Variants in SRGN observed in about 807,000 individuals in gnomAD.
SRGN encodes the protein serglycin.
Under a neutral mutation model 9.5 loss-of-function variants are expected in SRGN, and 2 were observed. That is an observed-to-expected ratio of 0.21 (90% confidence interval 0.09 to 0.66). The LOEUF (loss-of-function observed/expected upper bound fraction) is 0.66. SRGN is among the 30% of genes least tolerant of loss of function. The pLI is 0.83. For synonymous variants in SRGN, 59 were observed against 72.3 expected (o/e 0.82, Z 0.93); for missense variants, 170 against 192.4 (o/e 0.88, Z 0.69).
At chr10:69,099,414 C>T (rs1840245147) in intron 2 of SRGN, among the ~76,000 whole-genome samples, 1 of 151,226 alleles carries the variant, frequency 6.6e-6, no homozygotes, top group Admixed American at 6.6e-5. Flanking sequence ...GATCTTCCTG[C>T]CTCAGCCTCC....
At chr10:69,101,666 C>T (rs1476962625) in intron 2 of SRGN, among the ~76,000 whole-genome samples, 6 of 152,180 alleles carry the variant, frequency 3.9e-5, no homozygotes, top group Non-Finnish European at 8.8e-5. Flanking sequence ...TTTCCTCACC[C>T]CCTCTGTGGC....
rs374411434 is a variant in SRGN, at chr10:69,104,156, G to C, written c.*36G>C. ...TCCCACCTTGACACCAGGCAATGTA[G>C]TTAGCATATTTTATGTACCATGGTT... On this transcript the variant is annotated 3_prime_UTR_variant, in exon 3 of 3. Coordinates refer to ENST00000242465, the MANE Select transcript of SRGN (RefSeq NM_002727.4). 4.4e-6 allele frequency: 7 copies of C among 1,600,250 alleles called. No individual in the cohort carries two copies. In the African/African-American group the frequency reaches 9.4e-5, roughly 21 times the overall value.
At chr10:69,092,719 G>T (rs1409292237) in intron 1 of SRGN, among the ~76,000 whole-genome samples, 1 of 151,790 alleles carries the variant, frequency 6.6e-6, no homozygotes, top group African/African-American at 2.4e-5. Context: ...ACTTGAACCT[G>T]GGAGGTGGAG....
At chr10:69,089,827 T>C (rs948986387) in intron 1 of SRGN, among the ~76,000 whole-genome samples, 1 of 151,298 alleles carries the variant, frequency 6.6e-6, no homozygotes, top group African/African-American at 2.4e-5. Flanking sequence ...ACCTGGGAGG[T>C]GGAGGTTGCA....
chr10:69,103,078 T>TA (rs559464118), intron 2 of SRGN, among the ~76,000 whole-genome samples: 399 of 152,124 alleles, frequency 2.6e-3, no homozygotes, highest in African/African-American at 9.0e-3. Context: ...TAGCTGGGAT[T>TA]ACAGGCATGC....
At chr10:69,100,985 C>CT (rs113937899) in intron 2 of SRGN, among the ~76,000 whole-genome samples, 3,985 of 144,050 alleles carry the variant, frequency 0.028, 177 homozygotes, top group African/African-American at 0.094. Flanking sequence ...TTCTTTCTTT[C>CT]TTTTTTTTTT....
chr10:69,104,527 C>CA lies in SRGN; in HGVS notation c.*418dup, dbSNP rs11310039. 1.9e-4 allele frequency: 29 copies of CA among 152,922 alleles called. No individual in the cohort carries two copies. The highest frequency in any genetic ancestry group is 3.9e-4 in the South Asian group (2 of 5,082). The allele number at this position is 152,922 out of a possible 1,614,324, so 9.5% of individuals were successfully genotyped here. ...TGATATGCCCCTTTTCTTATAAAAA[C>CA]AAAAAAAAAAATAATGAAACACAGT... On this transcript the variant is annotated 3_prime_UTR_variant, in exon 3 of 3. Transcript: ENST00000242465.
intron 2 of SRGN, among the ~76,000 whole-genome samples, 196 bp downstream of exon 2, chr10:69,097,427 A>ATTTTTT (rs71035049): frequency 0.014 from 1,524 of 111,364 alleles, 84 homozygotes; most frequent in African/African-American, 0.046. Flanking sequence ...TGCCCAGCTA[A>ATTTTTT]TTTTTTTTTT....
chr10:69,090,004 G>A (rs1390410250), intron 1 of SRGN, among the ~76,000 whole-genome samples: 9 of 152,158 alleles, frequency 5.9e-5, no homozygotes, highest in Non-Finnish European at 8.8e-5. Context: ...TCATGACCTC[G>A]TAGGTTTAGC....
chr10:69,089,108 C>T (rs1173230249), intron 1 of SRGN, among the ~76,000 whole-genome samples: 1 of 152,164 alleles, frequency 6.6e-6, no homozygotes, highest in Admixed American at 6.5e-5. Flanking sequence ...GTCACAATGA[C>T]ACACATGTCC....
Position 69,104,607 on chromosome 10 carries a change from A to G in SRGN, c.*487A>G, listed in dbSNP as rs1285926061. 1 of 152,676 alleles carries G rather than the reference A, an allele frequency of 6.5e-6. No homozygotes were observed. The highest frequency in any genetic ancestry group is 1.5e-5 in the Non-Finnish European group (1 of 68,460). The allele number at this position is 152,676 out of a possible 1,614,324, so 9.5% of individuals were successfully genotyped here. ...TTTTACAGGGTGGAGTGTACTATAT[A>G]CTATTACCTTTGAATGTGTTTGCAG... On this transcript the variant is annotated 3_prime_UTR_variant, in exon 3 of 3. Transcript: ENST00000242465.
chr10:69,087,827 C>T (rs1839968775), upstream of SRGN, among the ~76,000 whole-genome samples: 1 of 151,884 alleles, frequency 6.6e-6, no homozygotes, highest in South Asian at 2.1e-4. Context: ...GAAAAACAAA[C>T]TGTCCCAAAT....
At chr10:69,090,805 T>C (rs1352206295) in intron 1 of SRGN, among the ~76,000 whole-genome samples, 1 of 152,082 alleles carries the variant, frequency 6.6e-6, no homozygotes, top group Non-Finnish European at 1.5e-5. Flanking sequence ...AAATGGAAAT[T>C]TGGGGATGTG....
intron 1 of SRGN, among the ~76,000 whole-genome samples, chr10:69,095,736 C>T (rs1341537317): frequency 6.6e-6 from 1 of 151,886 alleles, no homozygotes; most frequent in Non-Finnish European, 1.5e-5. Context: ...CATGGCAAAA[C>T]CCCATCTCTA....
rs745312920 is a variant in SRGN, at chr10:69,104,081, C to G, written c.438C>G (p.Asp146Glu). Reference protein sequence around the residue: ...LDRNLPSDSQDLGQHGLEEDF... With the variant: ...LDRNLPSDSQELGQHGLEEDF... Reference sequence around the variant, plus strand: ...GGAATCTGCCCTCAGACAGCCAGGACTTGGGTCAACATGGATTAGAAGAGG... The same window carrying G: ...GGAATCTGCCCTCAGACAGCCAGGAGTTGGGTCAACATGGATTAGAAGAGG... The change falls in exon 3 of 3, where the codon GAC (aspartate) becomes GAG (glutamate). Residue 146 changes from aspartate (D) to glutamate (E), a missense_variant. Asp to Glu is a conservative substitution (Grantham distance 45). Transcript: ENST00000242465. The G allele has an allele frequency of 2.5e-6, 4 of 1,614,174 alleles. No homozygotes were observed. The highest frequency in any genetic ancestry group is 3.4e-6 in the Non-Finnish European group (4 of 1,180,024).
chr10:69,089,626 T>C (rs1407384810), intron 1 of SRGN, among the ~76,000 whole-genome samples: 3 of 152,250 alleles, frequency 2.0e-5, no homozygotes, highest in Non-Finnish European at 4.4e-5. Flanking sequence ...CCGGGCATGG[T>C]GGCTCACGCC....
At chr10:69,089,879 G>A (rs1840013795) in intron 1 of SRGN, among the ~76,000 whole-genome samples, 1 of 151,974 alleles carries the variant, frequency 6.6e-6, no homozygotes. Flanking sequence ...CTAGGTGACA[G>A]TGCAAGACTC....
intron 2 of SRGN, 80 bp from the exon 3 acceptor site, chr10:69,103,791 T>C: frequency 1.4e-6 from 2 of 1,461,324 alleles, no homozygotes; most frequent in East Asian, 2.4e-5. Context: ...TATCTCCTTA[T>C]ATTAAAAAAA....
upstream of SRGN, chr10:69,088,042 T>G (rs1839972571): frequency 7.7e-6 from 6 of 776,236 alleles, no homozygotes; most frequent in South Asian, 9.3e-5. Flanking sequence ...TTGTGACGTG[T>G]GTTCTGGGCA....
Sources: gnomAD v4.1 joint callset for allele counts (sites outside exome capture counted in the v4.1 genomes callset) on GRCh38, gnomAD v4.1.1 for gene constraint, MANE v1.5 for transcripts, NCBI Gene and HGNC (gene_info 2026-07-23, HGNC 2026-07-21) for gene names.